Variants in CAMTA1 observed in about 807,000 individuals in gnomAD.
CAMTA1 encodes the protein calmodulin binding transcription activator 1.
In CAMTA1, 27 loss-of-function variants were observed where a neutral mutation model predicts 170.9. The observed-to-expected ratio is 0.16, with a 90% CI of 0.12 to 0.22. The LOEUF (loss-of-function observed/expected upper bound fraction) is 0.22. CAMTA1 is among the 10% of genes least tolerant of loss of function. The pLI is 1.00. For synonymous variants in CAMTA1, 833 were observed against 891.5 expected (o/e 0.93, Z 1.17); for missense variants, 1,619 against 2,217.2 (o/e 0.73, Z 5.42).
chr1:6,826,441 G>T (rs188581021), intron 3 of CAMTA1, among the ~76,000 whole-genome samples: 30 of 152,326 alleles, frequency 2.0e-4, no homozygotes, highest in Admixed American at 2.6e-4. Flanking sequence ...ACGTGAAAAT[G>T]AAGTAGATAT....
chr1:7,462,388 C>G (rs964391487), intron 5 of CAMTA1, among the ~76,000 whole-genome samples: 2 of 152,226 alleles, frequency 1.3e-5, no homozygotes, highest in Admixed American at 6.5e-5. Flanking sequence ...GCCTCAGCCT[C>G]CTGCGTAGCT....
In CAMTA1 at chr1:7,633,024, C is replaced by A. The variant is rs760323162; in HGVS notation, c.511-7376C>A. ...CTGAGCCCTCTGCCTGCCTCACCCCCTCCTGGCAAGGTTCAGGCTAGCACT... is the reference window on the plus strand; with the variant it reads ...CTGAGCCCTCTGCCTGCCTCACCCCATCCTGGCAAGGTTCAGGCTAGCACT... On this transcript the variant is annotated intron_variant, in intron 6 of 22. Transcript: ENST00000303635. This position sits in a 1 kb window ranked among gnomAD's most constrained non-coding sequence, Gnocchi z 4.1. Among the ~76,000 whole-genome samples the A allele has an allele frequency of 6.6e-6, 1 of 152,248 alleles. No individual in the cohort carries two copies. The highest frequency in any genetic ancestry group is 6.5e-5 in the Admixed American group (1 of 15,288).
intron 4 of CAMTA1, among the ~76,000 whole-genome samples, chr1:7,118,133 A>G (rs865847723): frequency 5.9e-5 from 9 of 151,978 alleles, no homozygotes; most frequent in African/African-American, 1.7e-4. Context: ...GGTTGTCTCT[A>G]TTGATGGGTA....
intron 6 of CAMTA1, among the ~76,000 whole-genome samples, chr1:7,538,492 AGAAAT>A (rs1362383738): frequency 1.3e-5 from 2 of 152,242 alleles, no homozygotes; most frequent in South Asian, 2.1e-4. Flanking sequence ...TCTACTAAAA[AGAAAT>A]AAAATTAACC....
chr1:6,835,752 G>C (rs1463990593), intron 3 of CAMTA1, among the ~76,000 whole-genome samples: 1 of 152,170 alleles, frequency 6.6e-6, no homozygotes. Context: ...GGTTACAGTT[G>C]AGCTTTCTAG....
intron 7 of CAMTA1, among the ~76,000 whole-genome samples, chr1:7,647,280 G>C (rs192538693): frequency 2.1e-5 from 3 of 141,276 alleles, no homozygotes; most frequent in South Asian, 2.1e-4. Flanking sequence ...GATCCAGAAG[G>C]GGGGGGGGCT....
intron 3 of CAMTA1, among the ~76,000 whole-genome samples, chr1:6,852,091 C>T (rs746387253): frequency 1.4e-4 from 21 of 150,812 alleles, no homozygotes; most frequent in Non-Finnish European, 2.5e-4. Context: ...GCTAATTTCT[C>T]AATAGATGTA....
intron 6 of CAMTA1, among the ~76,000 whole-genome samples, chr1:7,575,412 A>ATATCAAGC (rs2095179031): frequency 6.6e-6 from 1 of 152,190 alleles, no homozygotes; most frequent in Non-Finnish European, 1.5e-5. Context: ...CACAGGCCCC[A>ATATCAAGC]TATCAAGCTA....
At chr1:7,701,555 A>G (rs886233704) in intron 11 of CAMTA1, among the ~76,000 whole-genome samples, 8 of 151,984 alleles carry the variant, frequency 5.3e-5, no homozygotes, top group Non-Finnish European at 1.0e-4. Flanking sequence ...AGCTAGGACT[A>G]CAGACACACA....
rs1391364329 is a variant in CAMTA1, at chr1:7,767,775, T to C, written c.*1284T>C. The C allele has an allele frequency of 1.3e-5, 2 of 151,496 alleles. No homozygotes were observed. Among genetic ancestry groups the C allele is most frequent in the Non-Finnish European group, 2.9e-5 (2 of 67,904 alleles). 9.4% of individuals were successfully genotyped at this position (151,496 alleles called of 1,614,324 possible). ...GTAAAATGAAACAAAAAAACTTTAT[T>C]TCACTATAAGAGTACTTTATTTTAA... is the stretch of plus-strand genomic sequence containing the variant. On this transcript the variant is annotated 3_prime_UTR_variant, in exon 23 of 23. Coordinates refer to ENST00000303635, the MANE Select transcript of CAMTA1 (RefSeq NM_015215.4).
intron 5 of CAMTA1, among the ~76,000 whole-genome samples, chr1:7,313,408 T>C (rs781637428): frequency 1.5e-4 from 23 of 152,244 alleles, no homozygotes; most frequent in Non-Finnish European, 3.1e-4. Flanking sequence ...CCTCGGGGCA[T>C]GTGCTCACTG....
At chr1:7,265,017 G>T (rs574054257) in intron 5 of CAMTA1, among the ~76,000 whole-genome samples, 2 of 152,324 alleles carry the variant, frequency 1.3e-5, no homozygotes, top group East Asian at 3.9e-4. Flanking sequence ...GGCCTGCAGG[G>T]GTGGGGAGGG....
intron 1 of CAMTA1, among the ~76,000 whole-genome samples, chr1:6,810,714 A>C (rs2148339170): frequency 6.6e-6 from 1 of 152,156 alleles, no homozygotes; most frequent in African/African-American, 2.4e-5. Context: ...CTGAGGCAGG[A>C]GAATGGCATG....
At chr1:7,040,707 G>A (rs1022289248) in intron 3 of CAMTA1, among the ~76,000 whole-genome samples, 1 of 151,624 alleles carries the variant, frequency 6.6e-6, no homozygotes, top group African/African-American at 2.4e-5. Flanking sequence ...TTTCTGCCTT[G>A]GCCATGGATC....
At chr1:7,709,134 C>T (rs1175095837) in intron 11 of CAMTA1, among the ~76,000 whole-genome samples, 14 of 152,096 alleles carry the variant, frequency 9.2e-5, no homozygotes, top group Non-Finnish European at 2.1e-4. Context: ...CTCTTTTTTC[C>T]TTTGAGCCTC....
Position 7,663,411 on chromosome 1 carries a change from C to T in CAMTA1, c.864C>T (p.Pro288=), listed in dbSNP as rs1396479333. The T allele has an allele frequency of 6.4e-7, 1 of 1,554,040 alleles. No individual in the cohort carries two copies. Residue 288 remains proline, a synonymous_variant, in exon 9 of 23, where the codon CCC becomes CCT. Coordinates refer to ENST00000303635, the MANE Select transcript of CAMTA1 (RefSeq NM_015215.4). ...GCGCCAAACACCGCATCATCTCGCC[C>T]AAGGTGGAGCCACGGACAGGGGGGT... ...CNSAKHRIIS[P]KVEPRTGGYG...
intron 6 of CAMTA1, among the ~76,000 whole-genome samples, chr1:7,529,675 G>T (rs1470875551): frequency 6.6e-6 from 1 of 152,140 alleles, no homozygotes; most frequent in African/African-American, 2.4e-5. Flanking sequence ...GCTGGATGTA[G>T]CTCCCAGATC....
chr1:7,739,704 A>G (rs58333527), intron 16 of CAMTA1, among the ~76,000 whole-genome samples: 23,964 of 152,194 alleles, frequency 0.16, 2,339 homozygotes, highest in South Asian at 0.26. Context: ...CTTCTTCACT[A>G]CCACGAGAAC....
intron 5 of CAMTA1, among the ~76,000 whole-genome samples, chr1:7,337,391 C>G (rs891339929): frequency 1.3e-5 from 2 of 152,214 alleles, no homozygotes; most frequent in Admixed American, 1.3e-4. Context: ...ACACCAGTCC[C>G]GATGTCTCTG....
Sources: gnomAD v4.1 joint callset for allele counts (sites outside exome capture counted in the v4.1 genomes callset) on GRCh38, gnomAD v4.1.1 for gene constraint, Gnocchi (gnomAD v3.1) non-coding constraint, MANE v1.5 for transcripts, NCBI Gene and HGNC (gene_info 2026-07-23, HGNC 2026-07-21) for gene names.